The following BCAT1 variants were observed in gnomAD, a reference collection of about 807,000 sequenced individuals.
BCAT1 encodes the protein branched-chain-amino-acid aminotransferase, cytosolic.
Under a neutral mutation model 52.4 loss-of-function variants are expected in BCAT1, and 48 were observed. The observed-to-expected ratio is 0.92, with a 90% CI of 0.73 to 1.16. BCAT1 has a LOEUF of 1.16. Among genes scored for constraint, BCAT1 ranks in the 50% most tolerant of loss-of-function variants. The pLI is 0.00. For synonymous variants in BCAT1, 167 were observed against 161.3 expected (o/e 1.04, Z -0.27); for missense variants, 451 against 457.1 (o/e 0.99, Z 0.12).
At chr12:24,902,508 G>C in intron 1 of BCAT1, 1 of 644,832 alleles carries the variant, frequency 1.6e-6, no homozygotes, top group Non-Finnish European at 2.0e-6. Flanking sequence ...AAATAACTAC[G>C]GGGGTGGGGG....
rs138024028 is a variant in BCAT1 at position 24,814,287 on chromosome 12, T to G, written c.*3721A>C. On this transcript the variant is annotated 3_prime_UTR_variant, in exon 11 of 11. Coordinates refer to ENST00000261192, the MANE Select transcript of BCAT1 (RefSeq NM_005504.7). ...CCCTTAACTCTTCTGCCGGCTTACT[T>G]GGTACCTCTGATGAATATTTATTGC... 3 of 152,222 alleles carry G rather than the reference T, an allele frequency of 2.0e-5. No individual in the cohort carries two copies. The highest frequency in any genetic ancestry group is 4.8e-5 in the African/African-American group (2 of 41,584). The allele number at this position is 152,222 out of a possible 1,614,324, so 9.4% of individuals were successfully genotyped here.
chr12:24,866,269 C>T (rs979812085), intron 5 of BCAT1, among the ~76,000 whole-genome samples: 7 of 152,346 alleles, frequency 4.6e-5, no homozygotes, highest in African/African-American at 1.2e-4. Flanking sequence ...GCTGGCCCAC[C>T]GGCGCCGCGC....
chr12:24,881,857 C>T (rs925995791), intron 3 of BCAT1, among the ~76,000 whole-genome samples: 20 of 152,112 alleles, frequency 1.3e-4, no homozygotes, highest in Admixed American at 6.6e-5. Context: ...AGTAGATAAT[C>T]CAGATGTGAC....
At chr12:24,947,195 AC>A (rs1943945145) in intron 1 of BCAT1, among the ~76,000 whole-genome samples, 1 of 151,568 alleles carries the variant, frequency 6.6e-6, no homozygotes, top group Non-Finnish European at 1.5e-5. Context: ...ACACACACAC[AC>A]ACACACACAC....
At chr12:24,836,439 C>T in intron 8 of BCAT1, 72 bp downstream of exon 8, 4 of 1,298,098 alleles carry the variant, frequency 3.1e-6, no homozygotes, top group Non-Finnish European at 4.4e-6. Context: ...ATTATTTCAA[C>T]ACTAGGCTGG....
Position 24,815,954 on chromosome 12 carries a change from T to A in BCAT1, c.*2054A>T, listed in dbSNP as rs1356409989. ...TGCAACTTTTTCCTAGACTACTATATGAAGAATGAGGTCAAAGGAGTTAGC... is the reference window on the plus strand; with the variant it reads ...TGCAACTTTTTCCTAGACTACTATAAGAAGAATGAGGTCAAAGGAGTTAGC... On this transcript the variant is annotated 3_prime_UTR_variant, in exon 11 of 11. Transcript: ENST00000261192. 1 of 152,150 alleles carries A rather than the reference T, an allele frequency of 6.6e-6. No individual in the cohort carries two copies. The highest frequency in any genetic ancestry group is 2.4e-5 in the African/African-American group (1 of 41,436). The allele number at this position is 152,150 out of a possible 1,614,324, so 9.4% of individuals were successfully genotyped here.
intron 3 of BCAT1, among the ~76,000 whole-genome samples, chr12:24,891,310 A>G (rs555003942): frequency 6.6e-6 from 1 of 152,166 alleles, no homozygotes; most frequent in African/African-American, 2.4e-5. Flanking sequence ...GGTCATCCTC[A>G]CTGTTCATTA....
chr12:24,928,971 G>T (rs1267691030), intron 1 of BCAT1, among the ~76,000 whole-genome samples: 1 of 151,906 alleles, frequency 6.6e-6, no homozygotes, highest in Non-Finnish European at 1.5e-5. Context: ...ATATTGGCCA[G>T]GCTGGCCTCG....
chr12:24,890,967 C>A (rs1942820832), intron 3 of BCAT1, among the ~76,000 whole-genome samples: 1 of 152,074 alleles, frequency 6.6e-6, no homozygotes, highest in Non-Finnish European at 1.5e-5. Flanking sequence ...AGCTGGGGTT[C>A]ACTGCTTGGT....
At chr12:24,938,966 C>G (rs1943810159) in intron 1 of BCAT1, among the ~76,000 whole-genome samples, 1 of 152,086 alleles carries the variant, frequency 6.6e-6, no homozygotes, top group Non-Finnish European at 1.5e-5. Flanking sequence ...CCTCCACCTC[C>G]CAGGTTCAAG....
At chr12:24,897,068 C>A (rs572514636) in intron 2 of BCAT1, among the ~76,000 whole-genome samples, 1 of 152,228 alleles carries the variant, frequency 6.6e-6, no homozygotes, top group South Asian at 2.1e-4. Flanking sequence ...ATGGGGAGGA[C>A]CCTGGGCTAA....
At chr12:24,916,540 TTTTG>T (rs891631225) in intron 1 of BCAT1, among the ~76,000 whole-genome samples, 5 of 152,318 alleles carry the variant, frequency 3.3e-5, no homozygotes, top group Non-Finnish European at 5.9e-5. Flanking sequence ...CTTTTTGTTT[TTTTG>T]TTTGTTTGTT....
chr12:24,937,948 G>C (rs921896081), intron 1 of BCAT1, among the ~76,000 whole-genome samples: 4 of 152,194 alleles, frequency 2.6e-5, no homozygotes, highest in Admixed American at 2.6e-4. Context: ...CATAGGGGTA[G>C]CTGGCATATG....
In BCAT1 at chr12:24,894,300, G is replaced by C. The variant is rs747949170; in HGVS notation, c.254C>G (p.Ser85Ter). 1 of 1,613,976 alleles carries C rather than the reference G, an allele frequency of 6.2e-7. No homozygotes were observed. Among genetic ancestry groups the C allele is most frequent in the Non-Finnish European group, 8.5e-7 (1 of 1,179,884 alleles). Residue 85 changes from serine (S) to a stop codon, truncating the protein, a stop_gained, in exon 3 of 11, where the codon TCA becomes TGA. Coordinates refer to ENST00000261192, the MANE Select transcript of BCAT1 (RefSeq NM_005504.7). LOFTEE classifies it high-confidence loss of function. ...PLQNLSLHPG[S>*]SALHYAVELF... Reference sequence around the variant, plus strand: ...TTCCACTGCATAGTGCAAAGCTGATGAGCCAGGGTGCAATGACAGGTTCTG... The same window carrying C: ...TTCCACTGCATAGTGCAAAGCTGATCAGCCAGGGTGCAATGACAGGTTCTG...
chr12:24,820,930 C>T (rs970934926), intron 10 of BCAT1, among the ~76,000 whole-genome samples: 31 of 152,146 alleles, frequency 2.0e-4, no homozygotes, highest in African/African-American at 7.5e-4. Context: ...GTGCTGCCTA[C>T]CAGGTAGCAA....
intron 3 of BCAT1, among the ~76,000 whole-genome samples, chr12:24,887,808 C>A (rs1482114412): frequency 2.0e-5 from 3 of 152,180 alleles, no homozygotes; most frequent in Non-Finnish European, 4.4e-5. Context: ...TCCCTACTCG[C>A]AGTTTGCGTC....
At chr12:24,823,483 A>AT (rs1940237020) in intron 10 of BCAT1, among the ~76,000 whole-genome samples, 1 of 152,118 alleles carries the variant, frequency 6.6e-6, no homozygotes, top group African/African-American at 2.4e-5. Flanking sequence ...AAACAAGAAC[A>AT]TTTACTTTAG....
In BCAT1 at chr12:24,855,802, A is replaced by AT. The variant is rs201450697; in HGVS notation, c.511-5854dup. Among the ~76,000 whole-genome samples, 1,121 of 147,722 alleles carry AT rather than the reference A, an allele frequency of 7.6e-3. 20 individuals are homozygous for AT. Among genetic ancestry groups the AT allele is most frequent in the African/African-American group, 0.027 (1,087 of 40,036 alleles). On this transcript the variant is annotated intron_variant, in intron 5 of 10. Transcript: ENST00000261192. ...TTTTCTTTTTCTTTTTTTCTTTTTT[A>AT]TTTTTTTTAGAGACAGAGTCTTGCC...
chr12:24,825,133 GTGTATATATA>G (rs1164004151), intron 10 of BCAT1, among the ~76,000 whole-genome samples: 2 of 63,072 alleles, frequency 3.2e-5, no homozygotes, highest in East Asian at 1.4e-3. Context: ...GTGTGTGTGT[GTGTATATATA>G]TATATATATA....
Sources: gnomAD v4.1 joint callset for allele counts (sites outside exome capture counted in the v4.1 genomes callset) on GRCh38, gnomAD v4.1.1 for gene constraint, MANE v1.5 for transcripts, NCBI Gene and HGNC (gene_info 2026-07-23, HGNC 2026-07-21) for gene names.